Variants in YY1 observed in about 807,000 individuals in gnomAD.
The protein encoded by YY1 is YY1 transcription factor.
Under a neutral mutation model 35.6 loss-of-function variants are expected in YY1, and 2 were observed. That is an observed-to-expected ratio of 0.06 (90% confidence interval 0.02 to 0.18). The LOEUF (loss-of-function observed/expected upper bound fraction) is 0.18. Among genes scored for constraint, YY1 ranks in the 10% least tolerant of loss-of-function variants. The pLI is 1.00. For missense variants in YY1, 322 were observed against 573.4 expected (o/e 0.56, Z 4.48); for synonymous variants, 268 against 238.9 (o/e 1.12, Z -1.12).
In YY1 at chr14:100,279,572, CTGGCA is replaced by C. The variant is rs1182946242; in HGVS notation, c.*1973_*1977del. ...CTGGGTAAGCCAGGCTTTGCTGTAT[CTGGCA>C]GTCAGGAGAGAGGTCAGCCCATGGT... On this transcript the variant is annotated 3_prime_UTR_variant, in exon 5 of 5. Coordinates refer to ENST00000262238, the MANE Select transcript of YY1 (RefSeq NM_003403.5). 1 of 152,284 alleles carries C rather than the reference CTGGCA, an allele frequency of 6.6e-6. No homozygotes were observed. 9.4% of individuals were successfully genotyped at this position (152,284 alleles called of 1,614,324 possible).
chr14:100,260,619 C>T (rs1465787161), intron 1 of YY1, among the ~76,000 whole-genome samples: 3 of 150,936 alleles, frequency 2.0e-5, no homozygotes, highest in Middle Eastern at 6.4e-3. Context: ...ACTACAGGTG[C>T]CCGCCACCAC....
intron 1 of YY1, among the ~76,000 whole-genome samples, chr14:100,254,777 T>A (rs948037921): frequency 7.3e-6 from 1 of 136,918 alleles, no homozygotes; most frequent in Non-Finnish European, 1.5e-5. Context: ...ATTTATTTAT[T>A]TTTTTTTTTT....
At chr14:100,244,055 C>T (rs898640333) in intron 1 of YY1, among the ~76,000 whole-genome samples, 1 of 151,252 alleles carries the variant, frequency 6.6e-6, no homozygotes, top group African/African-American at 2.4e-5. Context: ...TTGCCGTGAG[C>T]CGAGATAGCG....
chr14:100,245,123 A>G (rs1890812806), intron 1 of YY1, among the ~76,000 whole-genome samples: 1 of 151,722 alleles, frequency 6.6e-6, no homozygotes, highest in South Asian at 2.1e-4. Context: ...TTTTTAGTAG[A>G]GATGGGGTTT....
In YY1 at chr14:100,249,630, C is replaced by T. The variant is rs115592196; in HGVS notation, c.679+9707C>T. On this transcript the variant is annotated intron_variant, in intron 1 of 4. Coordinates refer to ENST00000262238, the MANE Select transcript of YY1 (RefSeq NM_003403.5). ...ACCAAAATACTATTTTGGTCTATTC[C>T]TGTATAGGTGGAAAAGAAGTATTAG... Among the ~76,000 whole-genome samples, 1,107 of 152,152 alleles carry T rather than the reference C, an allele frequency of 7.3e-3. 14 individuals carry two copies. Among genetic ancestry groups the T allele is most frequent in the African/African-American group, 0.026 (1,060 of 41,482 alleles).
At chr14:100,244,651 C>CG (rs1478914228) in intron 1 of YY1, among the ~76,000 whole-genome samples, 2 of 149,872 alleles carry the variant, frequency 1.3e-5, no homozygotes, top group African/African-American at 4.9e-5. Context: ...GAGACAGTCA[C>CG]GGCTCACGGC....
intron 1 of YY1, among the ~76,000 whole-genome samples, chr14:100,246,282 G>T (rs1440064681): frequency 1.3e-5 from 2 of 152,200 alleles, no homozygotes; most frequent in African/African-American, 4.8e-5. Context: ...CAGGTGCGGG[G>T]CCAGTGTCCC....
chr14:100,255,429 G>C (rs573353882), intron 1 of YY1, among the ~76,000 whole-genome samples: 3 of 152,050 alleles, frequency 2.0e-5, no homozygotes, highest in African/African-American at 7.2e-5. Flanking sequence ...GACCAGCCTG[G>C]CCAACATGGT....
At chr14:100,266,986 G>A (rs1891165249) in intron 2 of YY1, among the ~76,000 whole-genome samples, 1 of 152,182 alleles carries the variant, frequency 6.6e-6, no homozygotes, top group African/African-American at 2.4e-5. Context: ...GGACAGCTGT[G>A]TAGCAGGCTG....
intron 3 of YY1, among the ~76,000 whole-genome samples, chr14:100,275,520 G>A (rs1891305623): frequency 6.6e-6 from 1 of 152,132 alleles, no homozygotes; most frequent in South Asian, 2.1e-4. Context: ...AAACAGTTAG[G>A]CTGGAAGTGC....
intron 1 of YY1, among the ~76,000 whole-genome samples, chr14:100,250,735 G>A (rs1000430327): frequency 1.3e-5 from 2 of 151,874 alleles, no homozygotes; most frequent in Admixed American, 6.6e-5. Context: ...ATTAAGGAAC[G>A]TGGCTGGGTA....
At position 100,279,574 on chromosome 14, in the gene YY1, G is replaced by T. The variant is rs1254159541; in HGVS notation, c.*1974G>T. On this transcript the variant is annotated 3_prime_UTR_variant, in exon 5 of 5. Coordinates refer to ENST00000262238, the MANE Select transcript of YY1 (RefSeq NM_003403.5). ...GGGTAAGCCAGGCTTTGCTGTATCT[G>T]GCAGTCAGGAGAGAGGTCAGCCCAT... 6.6e-6 allele frequency: 1 copy of T among 152,268 alleles called. No individual in the cohort carries two copies. Among genetic ancestry groups the T allele is most frequent in the African/African-American group, 2.4e-5 (1 of 41,456 alleles). The allele number at this position is 152,268 out of a possible 1,614,324, so 9.4% of individuals were successfully genotyped here.
chr14:100,267,478 C>T (rs982320932), intron 2 of YY1, among the ~76,000 whole-genome samples: 31 of 151,856 alleles, frequency 2.0e-4, no homozygotes, highest in African/African-American at 7.5e-4. Context: ...AGTTTGGGCC[C>T]TGTGAGGTGG....
chr14:100,243,756 C>T (rs1041670501), intron 1 of YY1, among the ~76,000 whole-genome samples: 8 of 148,242 alleles, frequency 5.4e-5, no homozygotes, highest in African/African-American at 7.5e-5. Context: ...TGCAAGTCAG[C>T]GGTGATTACA....
chr14:100,251,323 A>C (rs534349091), intron 1 of YY1, among the ~76,000 whole-genome samples: 1 of 152,332 alleles, frequency 6.6e-6, no homozygotes, highest in East Asian at 1.9e-4. Context: ...GGGTCAAGGA[A>C]TGTAGGCAGC....
intron 2 of YY1, among the ~76,000 whole-genome samples, chr14:100,270,196 G>T (rs915960440): frequency 6.7e-6 from 1 of 148,346 alleles, no homozygotes; most frequent in African/African-American, 2.5e-5. Context: ...CTGGGAGGCG[G>T]AGCTTGCAGT....
intron 2 of YY1, among the ~76,000 whole-genome samples, chr14:100,262,758 C>G (rs1243584244): frequency 6.6e-6 from 1 of 151,764 alleles, no homozygotes; most frequent in Non-Finnish European, 1.5e-5. Flanking sequence ...AGTAACTATG[C>G]TATTAATGTG....
intron 1 of YY1, among the ~76,000 whole-genome samples, chr14:100,246,800 A>T (rs558395108): frequency 6.6e-6 from 1 of 152,172 alleles, no homozygotes; most frequent in Non-Finnish European, 1.5e-5. Context: ...TATCACTAAG[A>T]TGCTATAAAC....
At position 100,278,306 on chromosome 14, in the gene YY1, T is replaced by C. The variant is rs1891355505; in HGVS notation, c.*706T>C. On this transcript the variant is annotated 3_prime_UTR_variant, in exon 5 of 5. Transcript: ENST00000262238. ...TTTAAACCCATTTTAGTCACTTTTT[T>C]TTTCCAAAAAAATACTGCCAGATGC... 1 of 152,668 alleles carries C rather than the reference T, an allele frequency of 6.6e-6. No individual in the cohort carries two copies. The highest frequency in any genetic ancestry group is 1.5e-5 in the Non-Finnish European group (1 of 68,116). The allele number at this position is 152,668 out of a possible 1,614,324, so 9.5% of individuals were successfully genotyped here. A position where few individuals can be genotyped will look rare whatever the true frequency, so the allele number is the denominator to read the frequency against.
Sources: allele counts gnomAD v4.1 joint callset (sites outside exome capture counted in the v4.1 genomes callset), GRCh38; gene constraint gnomAD v4.1.1; transcripts MANE v1.5; gene names NCBI Gene and HGNC (gene_info 2026-07-23, HGNC 2026-07-21).